The following ARHGAP44 variants were observed in gnomAD, a reference collection of about 807,000 sequenced individuals.
The protein encoded by ARHGAP44 is Rho GTPase activating protein 44, also known as rho GTPase-activating protein 44.
Under a neutral mutation model 106.8 loss-of-function variants are expected in ARHGAP44, and 43 were observed. That is an observed-to-expected ratio of 0.40 (90% CI 0.32 to 0.52). The LOEUF (loss-of-function observed/expected upper bound fraction) is 0.52. Among genes scored for constraint, ARHGAP44 ranks in the 20% least tolerant of loss-of-function variants. ARHGAP44 has a pLI of 0.48. For synonymous variants in ARHGAP44, 439 were observed against 410.3 expected, an observed-to-expected ratio of 1.07 and a Z score of -0.85; for missense variants, 866 against 1,050.5, an observed-to-expected ratio of 0.82 and a Z score of 2.43.
At chr17:12,900,899 A>G (rs2009878) in intron 3 of ARHGAP44, among the ~76,000 whole-genome samples, 78,889 of 147,554 alleles carry the variant, frequency 0.53, 21,319 homozygotes, top group Non-Finnish European at 0.57. Flanking sequence ...TCCGAGAGAC[A>G]GGAGAAAGTT....
At position 12,798,158 on chromosome 17, in the gene ARHGAP44, G is replaced by A. The variant is rs9910959; in HGVS notation, c.53+8267G>A. ...TAGGTCTTCTGCAAATAATAATTTT[G>A]TATTTTCCTCTCTGGTGGTTTATAC... On this transcript the variant is annotated intron_variant, in intron 1 of 20. Coordinates refer to ENST00000379672, the MANE Select transcript of ARHGAP44 (RefSeq NM_014859.6). 1.9e-3 allele frequency among the ~76,000 whole-genome samples: 290 copies of A among 152,070 alleles called. 1 individual carries two copies. The highest frequency in any genetic ancestry group is 6.8e-3 in the African/African-American group (282 of 41,526).
intron 1 of ARHGAP44, among the ~76,000 whole-genome samples, chr17:12,879,950 A>G (rs1461648834): frequency 6.6e-6 from 1 of 152,022 alleles, no homozygotes; most frequent in African/African-American, 2.4e-5. Flanking sequence ...TAAGAAAATC[A>G]TAAGGAAGAG....
chr17:12,911,827 C>A (rs913770783), intron 4 of ARHGAP44, among the ~76,000 whole-genome samples: 1 of 152,194 alleles, frequency 6.6e-6, no homozygotes, highest in Admixed American at 6.5e-5. Flanking sequence ...CAGCCGTCTT[C>A]TTCCACTCAT....
intron 16 of ARHGAP44, among the ~76,000 whole-genome samples, chr17:12,964,324 T>A (rs1270350993): frequency 2.6e-5 from 4 of 152,236 alleles, no homozygotes; most frequent in Non-Finnish European, 5.9e-5. Context: ...TTTGCCAAAG[T>A]GTCTGCACTC....
At chr17:12,827,839 G>C (rs1166072334) in intron 1 of ARHGAP44, among the ~76,000 whole-genome samples, 1 of 151,842 alleles carries the variant, frequency 6.6e-6, no homozygotes, top group Non-Finnish European at 1.5e-5. Context: ...AGGAGTTCAA[G>C]ACCAGCCTGG....
At chr17:12,852,196 C>T (rs973506638) in intron 1 of ARHGAP44, among the ~76,000 whole-genome samples, 1 of 135,242 alleles carries the variant, frequency 7.4e-6, no homozygotes, top group African/African-American at 2.7e-5. Context: ...TTAGGCAAAA[C>T]GATAGGGAGG....
chr17:12,973,976 C>A, intron 17 of ARHGAP44, 113 bp from the exon 18 acceptor site: 2 of 1,169,106 alleles, frequency 1.7e-6, no homozygotes, highest in South Asian at 1.4e-5. Flanking sequence ...CCCCGGGGTG[C>A]TAAAGCTGCG....
rs559959404 is a variant in ARHGAP44 at position 12,841,902 on chromosome 17, A to T, written c.53+52011A>T. ...GCAAATTTTTCAGGCACATATAGTT[A>T]TGCAAACACGTTGAAAAAGAGCTTT... On this transcript the variant is annotated intron_variant, in intron 1 of 20. Coordinates refer to ENST00000379672, the MANE Select transcript of ARHGAP44 (RefSeq NM_014859.6). Among the ~76,000 whole-genome samples, 310 of 152,314 alleles carry T rather than the reference A, an allele frequency of 2.0e-3. 1 individual carries two copies. The highest frequency in any genetic ancestry group is 6.0e-3 in the African/African-American group (249 of 41,560).
In ARHGAP44 at chr17:12,859,371, G is replaced by GGTA. The variant is rs1387036836; in HGVS notation, c.54-35568_54-35566dup. On this transcript the variant is annotated intron_variant, in intron 1 of 20. Transcript: ENST00000379672. ...CTGTTATTTAAGCCACCTAGCATGT[G>GGTA]GTACTTCATTATGGCAGCCATAGGG... Among the ~76,000 whole-genome samples the GGTA allele has an allele frequency of 1.2e-4, 18 of 152,252 alleles. No individual in the cohort carries two copies. In the East Asian group the frequency reaches 3.5e-3, roughly 29 times the overall value.
At chr17:12,811,375 G>A (rs1396660085) in intron 1 of ARHGAP44, among the ~76,000 whole-genome samples, 2 of 152,024 alleles carry the variant, frequency 1.3e-5, no homozygotes. Context: ...AGTGGAAGTG[G>A]ATCATCGTTA....
At chr17:12,955,202 A>G (rs1266772897) in intron 13 of ARHGAP44, among the ~76,000 whole-genome samples, 1 of 152,180 alleles carries the variant, frequency 6.6e-6, no homozygotes, top group Non-Finnish European at 1.5e-5. Context: ...ATTCCTTTTT[A>G]TGGATGAATA....
At chr17:12,864,148 G>A (rs8077063) in intron 1 of ARHGAP44, among the ~76,000 whole-genome samples, 138,395 of 152,170 alleles carry the variant, frequency 0.91, 63,081 homozygotes, top group African/African-American at 0.92. Flanking sequence ...TCACCTCTCG[G>A]TGGAGTGGTA....
At chr17:12,858,655 C>CCAGTATCTGTGGATGTGAGCTTATTTG (rs2035978213) in intron 1 of ARHGAP44, among the ~76,000 whole-genome samples, 2 of 152,142 alleles carry the variant, frequency 1.3e-5, no homozygotes, top group South Asian at 4.1e-4. Context: ...ACCTAATCCC[C>CCAGTATCTGTGGATGTGAGCTTATTTG]CAGTATCTGT....
intron 4 of ARHGAP44, 24 bp from the exon 5 acceptor site, chr17:12,915,876 A>G (rs759472877): frequency 1.2e-6 from 2 of 1,602,212 alleles, no homozygotes; most frequent in Non-Finnish European, 8.5e-7. Context: ...AGTATTCACT[A>G]TTTCTTTCCC....
intron 1 of ARHGAP44, among the ~76,000 whole-genome samples, chr17:12,841,632 AC>A (rs1435352404): frequency 0.034 from 3,964 of 117,602 alleles, 117 homozygotes; most frequent in African/African-American, 0.069. Context: ...ACACACACAC[AC>A]ACACACAAAC....
intron 1 of ARHGAP44, among the ~76,000 whole-genome samples, chr17:12,854,786 T>C (rs1291023239): frequency 6.6e-6 from 1 of 151,812 alleles, no homozygotes; most frequent in African/African-American, 2.4e-5. Flanking sequence ...TGGAGAAACC[T>C]CGTCTCTACT....
At chr17:12,809,865 G>C (rs11868743) in intron 1 of ARHGAP44, among the ~76,000 whole-genome samples, 19,175 of 152,242 alleles carry the variant, frequency 0.13, 1,333 homozygotes, top group Middle Eastern at 0.17. Context: ...TGCTGCTGGG[G>C]TTGGTGCTTG....
intron 4 of ARHGAP44, among the ~76,000 whole-genome samples, chr17:12,915,577 G>A (rs1317342298): frequency 2.6e-5 from 4 of 152,018 alleles, no homozygotes; most frequent in Non-Finnish European, 5.9e-5. Context: ...TTTTTTTAGC[G>A]GGCAGATTTT....
In ARHGAP44 at chr17:12,966,110, A is replaced by G. The variant is rs186892280; in HGVS notation, c.1524-7192A>G. ...GGTGGAGGCTGTAGAGAGCTGTGAT[A>G]GTGTCACTGCACTCCAGCATGGATG... is the stretch of plus-strand genomic sequence containing the variant. On this transcript the variant is annotated intron_variant, in intron 16 of 20. Transcript: ENST00000379672. 2.8e-3 allele frequency among the ~76,000 whole-genome samples: 415 copies of G among 150,200 alleles called. 3 individuals carry two copies. The highest frequency in any genetic ancestry group is 9.8e-3 in the African/African-American group (395 of 40,456).
Sources: gnomAD v4.1 joint callset for allele counts (sites outside exome capture counted in the v4.1 genomes callset) on GRCh38, gnomAD v4.1.1 for gene constraint, MANE v1.5 for transcripts, NCBI Gene and HGNC (gene_info 2026-07-23, HGNC 2026-07-21) for gene names.